Variants in SLC2A8 observed in about 807,000 individuals in gnomAD.
SLC2A8 encodes solute carrier family 2, facilitated glucose transporter member 8.
A neutral mutation model predicts 49.2 loss-of-function variants in SLC2A8; 53 were observed. The observed-to-expected ratio is 1.08, with a 90% CI of 0.86 to 1.35. SLC2A8 has a LOEUF of 1.35. Ranked by LOEUF, SLC2A8 falls within the 40% of genes most tolerant of loss-of-function variation. The pLI is 0.00. For synonymous variants in SLC2A8, 299 were observed against 297.0 expected (o/e 1.01, Z -0.07); for missense variants, 688 against 671.7 (o/e 1.02, Z -0.27).
rs200536005 is a variant in SLC2A8 at position 127,404,802 on chromosome 9, G to A, written c.977-16G>A. On this transcript the variant is annotated splice_polypyrimidine_tract_variant and intron_variant, in intron 7 of 9. Transcript: ENST00000373371. ...TTCCCCGGGTGCCCCGCCCACTGCC[G>A]CCCTCCCGCCTGCAGGTGTGGTCAT... 4.8e-5 allele frequency: 77 copies of A among 1,601,964 alleles called. No individual in the cohort carries two copies. Among genetic ancestry groups the A allele is most frequent in the Admixed American group, 2.8e-4 (17 of 59,708 alleles).
rs113675495 is a variant in SLC2A8, at chr9:127,405,470, T to C, written c.1201T>C (p.Phe401Leu). ...CCCCTGGCTCCTCATGTCAGAGATC[T>C]TCCCTCTGCATGTCAAGGGCGTGGC... ...PIPWLLMSEI[F>L]PLHVKGVATG... The change falls in exon 9 of 10, where the codon TTC becomes CTC. Residue 401 changes from phenylalanine (F) to leucine (L), a missense_variant. Coordinates refer to ENST00000373371, the MANE Select transcript of SLC2A8 (RefSeq NM_014580.5). 2 of 1,613,086 alleles carry C rather than the reference T, an allele frequency of 1.2e-6. No individual in the cohort carries two copies. Among genetic ancestry groups the C allele is most frequent in the Non-Finnish European group, 1.7e-6 (2 of 1,179,994 alleles).
At chr9:127,404,325 A>C in intron 7 of SLC2A8, 1 of 410,876 alleles carries the variant, frequency 2.4e-6, no homozygotes, top group Non-Finnish European at 4.4e-6. Flanking sequence ...TGACGGGAAA[A>C]CTGAGGGCCA....
rs1373874981 is a variant in SLC2A8, at chr9:127,398,165, G to A, written c.426+54G>A. 4.5e-6 allele frequency: 7 copies of A among 1,538,656 alleles called. No individual in the cohort carries two copies. In the South Asian group the frequency reaches 8.4e-5, roughly 19 times the overall value. On this transcript the variant is annotated intron_variant, in intron 3 of 9. Coordinates refer to ENST00000373371, the MANE Select transcript of SLC2A8 (RefSeq NM_014580.5). ...TCTCGCGGCCTGAGACCGAGGGGGA[G>A]TGGGACAAACCGCTCCCCAGGCCTG...
At chr9:127,406,874 C>CA (rs1833510037) in intron 9 of SLC2A8, among the ~76,000 whole-genome samples, 1 of 152,246 alleles carries the variant, frequency 6.6e-6, no homozygotes, top group Non-Finnish European at 1.5e-5. Flanking sequence ...CTGTGAGCCT[C>CA]AGTTTCCCCA....
At chr9:127,402,089 G>A (rs1164441190) in intron 4 of SLC2A8, among the ~76,000 whole-genome samples, 3 of 152,218 alleles carry the variant, frequency 2.0e-5, no homozygotes, top group Non-Finnish European at 4.4e-5. Context: ...GTGCCAGAGT[G>A]GAGAGATGTC....
rs1162003726 is a variant in SLC2A8, at chr9:127,403,728, G to A, written c.792G>A (p.Met264Ile). The change falls in exon 6 of 10, where the codon ATG (methionine) becomes ATA (isoleucine). Residue 264 changes from methionine to isoleucine, a missense_variant. Physicochemically the swap from Met to Ile is conservative, Grantham distance 10. Transcript: ENST00000373371. ...CCTTCATCATCGGCGTCTCCCTGAT[G>A]GCCTTCCAGCAGCTGTCGGGGGTCA... ...YKPFIIGVSL[M>I]AFQQLSGVNA... 6 of 1,613,228 alleles carry A rather than the reference G, an allele frequency of 3.7e-6. No homozygotes were observed. The highest frequency in any genetic ancestry group is 5.1e-6 in the Non-Finnish European group (6 of 1,179,966).
Position 127,398,101 on chromosome 9 carries a change from T to A in SLC2A8, c.416T>A (p.Leu139Gln). The A allele has an allele frequency of 6.3e-7, 1 of 1,578,990 alleles. No homozygotes were observed. The highest frequency in any genetic ancestry group is 8.6e-7 in the Non-Finnish European group (1 of 1,166,096). The change falls in exon 3 of 10, where the codon CTA becomes CAA. Residue 139 changes from leucine to glutamine, a missense_variant. By Grantham distance (113) the Leu-to-Gln change is moderately radical. Transcript: ENST00000373371. ...GGCCTGGCCTGCGGTGTTGCCTCCC[T>A]AGTGGCCCCGGTGAGTGTCCCGTCT... Reference protein sequence around the residue: ...LTGLACGVASLVAPVYISEIA... With the variant: ...LTGLACGVASQVAPVYISEIA...
Position 127,399,948 on chromosome 9 carries a change from G to A in SLC2A8, c.468G>A (p.Leu156=). Residue 156 remains leucine, a synonymous_variant, in exon 4 of 10, where the codon TTG becomes TTA. Transcript: ENST00000373371. This position sits in a 1 kb window ranked among gnomAD's most constrained non-coding sequence, Gnocchi z 4.2. ...SEIAYPAVRG[L]LGSCVQLMVV... ...TCGCCTACCCAGCAGTCCGGGGGTT[G>A]CTCGGCTCCTGTGTGCAGCTAATGG... The A allele has an allele frequency of 6.2e-7, 1 of 1,613,834 alleles. No homozygotes were observed.
chr9:127,404,223 C>T, intron 7 of SLC2A8, 156 bp downstream of exon 7: 1 of 601,266 alleles, frequency 1.7e-6, no homozygotes, highest in Non-Finnish European at 2.9e-6. Context: ...CAAGCACTCA[C>T]TGCAGGCCTG....
rs552197278 is a variant in SLC2A8 at position 127,399,471 on chromosome 9, G to A, written c.427-436G>A. Among the ~76,000 whole-genome samples, 3 of 152,234 alleles carry A rather than the reference G, an allele frequency of 2.0e-5. No individual in the cohort carries two copies. In the East Asian group the frequency reaches 5.8e-4, roughly 29 times the overall value. On this transcript the variant is annotated intron_variant, in intron 3 of 9. Transcript: ENST00000373371. This position sits in a 1 kb window ranked among gnomAD's most constrained non-coding sequence, Gnocchi z 4.2. ...AGGCAGGTTCCACTAAGGGGCTTCA[G>A]GGCCTGCCGTAACCCCCTGCAAGGA... is the stretch of plus-strand genomic sequence containing the variant.
chr9:127,405,000 G>A lies in SLC2A8; in HGVS notation c.1150+9G>A, dbSNP rs375809682. On this transcript the variant is annotated intron_variant, in intron 8 of 9. Coordinates refer to ENST00000373371, the MANE Select transcript of SLC2A8 (RefSeq NM_014580.5). ...GTGCCTCTTCATCGCCGGTAAGGGG[G>A]CCTGTGGGAGGCTGGGCGAGGAGTG... The A allele has an allele frequency of 4.4e-6, 7 of 1,590,170 alleles. No homozygotes were observed. In the African/African-American group the frequency reaches 5.4e-5, roughly 12 times the overall value.
At chr9:127,405,904 T>A in intron 9 of SLC2A8, 1 of 547,544 alleles carries the variant, frequency 1.8e-6, no homozygotes, top group Admixed American at 1.9e-5. Context: ...CCACCCTGGC[T>A]ACTTCCTTGC....
chr9:127,404,974 T>C lies in SLC2A8; in HGVS notation c.1133T>C (p.Met378Thr). Residue 378 changes from methionine to threonine, a missense_variant, in exon 8 of 10, where the codon ATG becomes ACG. Transcript: ENST00000373371. ...CTGGCCTGGCTGGCCGTGGGCAGCA[T>C]GTGCCTCTTCATCGCCGGTAAGGGG... ...VGLAWLAVGS[M>T]CLFIAGFAVG... 1 of 1,604,486 alleles carries C rather than the reference T, an allele frequency of 6.2e-7. No homozygotes were observed. The highest frequency in any genetic ancestry group is 8.5e-7 in the Non-Finnish European group (1 of 1,175,890).
In SLC2A8 at chr9:127,407,247, T is replaced by C. The variant is rs767767636; in HGVS notation, c.1432T>C (p.Ter478ArgextTer54). ...EQITAHFEGR[*>R] The stretch of plus-strand genomic sequence containing the variant: ...AATCACAGCCCATTTTGAGGGGCGA[T>C]GACAGCCACTCACTAGGGGATGGAG... Residue 478 changes from the stop codon to arginine (R), a stop_lost, in exon 10 of 10, where the codon TGA (stop) becomes CGA (arginine). Transcript: ENST00000373371. 1 of 1,612,986 alleles carries C rather than the reference T, an allele frequency of 6.2e-7. No individual in the cohort carries two copies. Among genetic ancestry groups the C allele is most frequent in the Middle Eastern group, 1.7e-4 (1 of 6,046 alleles).
intron 4 of SLC2A8, 63 bp from the exon 5 acceptor site, chr9:127,402,494 T>C: frequency 1.4e-6 from 2 of 1,438,022 alleles, no homozygotes; most frequent in Non-Finnish European, 1.8e-6. Context: ...TCTTTGAGGC[T>C]GGCAAGGCCC....
At chr9:127,401,162 A>T (rs1240731798) in intron 4 of SLC2A8, among the ~76,000 whole-genome samples, 1 of 152,218 alleles carries the variant, frequency 6.6e-6, no homozygotes, top group Non-Finnish European at 1.5e-5. Flanking sequence ...AGCCTCTCCT[A>T]CGTGCTGTGT....
chr9:127,406,060 A>T (rs1833481312), intron 9 of SLC2A8: 1 of 518,908 alleles, frequency 1.9e-6, no homozygotes. Context: ...ATGGACTGGC[A>T]CAGGTGTGGC....
intron 4 of SLC2A8, among the ~76,000 whole-genome samples, chr9:127,401,747 CAT>C (rs1833299789): frequency 6.6e-6 from 1 of 152,198 alleles, no homozygotes; most frequent in African/African-American, 2.4e-5. Flanking sequence ...TTGGGGCAAT[CAT>C]GTTCCAACGA....
rs182999007 is a variant in SLC2A8 at position 127,402,097 on chromosome 9, G to A, written c.527-460G>A. 1.9e-3 allele frequency among the ~76,000 whole-genome samples: 291 copies of A among 152,340 alleles called. 1 individual carries two copies. The highest frequency in any genetic ancestry group is 6.8e-3 in the Middle Eastern group (2 of 294). ...CACTCAAGTGCCAGAGTGGAGAGATGTCCAGTGAAAAGCTTCCTCCGCCTC... is the reference window on the plus strand; with the variant it reads ...CACTCAAGTGCCAGAGTGGAGAGATATCCAGTGAAAAGCTTCCTCCGCCTC... On this transcript the variant is annotated intron_variant, in intron 4 of 9. Coordinates refer to ENST00000373371, the MANE Select transcript of SLC2A8 (RefSeq NM_014580.5).
Sources: allele counts gnomAD v4.1 joint callset (sites outside exome capture counted in the v4.1 genomes callset), GRCh38; gene constraint gnomAD v4.1.1; non-coding constraint Gnocchi (gnomAD v3.1); transcripts MANE v1.5; gene names NCBI Gene and HGNC (gene_info 2026-07-23, HGNC 2026-07-21).